PSMG2: variants seen among roughly 807,000 people sequenced by gnomAD.
PSMG2 encodes the protein CD40 ligand-activated specific transcript 3.
PSMG2 carries 21 observed loss-of-function variants against 31.5 expected under a neutral mutation model. That is an observed-to-expected ratio of 0.67 (90% confidence interval 0.47 to 0.96). The LOEUF (loss-of-function observed/expected upper bound fraction) is 0.96, where lower values mean the gene tolerates loss of function less well. Among genes scored for constraint, PSMG2 ranks in the 40% least tolerant of loss-of-function variants. The pLI, the probability that PSMG2 is intolerant of heterozygous loss-of-function variation, is 0.00. For missense variants in PSMG2, 318 were observed against 321.2 expected (o/e 0.99, Z 0.08); for synonymous variants, 120 against 110.4 (o/e 1.09, Z -0.54).
intron 1 of PSMG2, among the ~76,000 whole-genome samples, chr18:12,666,946 A>T (rs2038816397): frequency 6.6e-6 from 1 of 152,134 alleles, no homozygotes; most frequent in South Asian, 2.1e-4. Flanking sequence ...GTTTAAAATT[A>T]AAAATTCCAT....
intron 1 of PSMG2, chr18:12,691,604 A>T: frequency 1.5e-6 from 1 of 687,032 alleles, no homozygotes; most frequent in Non-Finnish European, 2.3e-6. Context: ...AGTCATCATC[A>T]TCTTCTATAA....
intron 4 of PSMG2, 36 bp downstream of exon 4, chr18:12,718,671 G>A (rs2145148453): frequency 7.1e-7 from 1 of 1,401,230 alleles, no homozygotes; most frequent in Non-Finnish European, 9.8e-7. Context: ...TTTTTGGTAT[G>A]GTTTATACTA....
intron 1 of PSMG2, among the ~76,000 whole-genome samples, chr18:12,704,122 A>G (rs1173710207): frequency 3.9e-5 from 6 of 152,216 alleles, no homozygotes; most frequent in African/African-American, 4.8e-5. Flanking sequence ...AAAGTAGCCC[A>G]GAGATGTGTA....
At chr18:12,693,283 G>A (rs1038697059) in intron 1 of PSMG2, among the ~76,000 whole-genome samples, 2 of 152,040 alleles carry the variant, frequency 1.3e-5, no homozygotes, top group Non-Finnish European at 2.9e-5. Context: ...ACCTGGTGGG[G>A]CACAATGGTC....
intron 1 of PSMG2, among the ~76,000 whole-genome samples, chr18:12,668,597 C>A (rs1307724336): frequency 1.1e-4 from 8 of 72,834 alleles, no homozygotes; most frequent in Admixed American, 2.3e-4. Context: ...GATTCCATCT[C>A]AAAAAAAAAA....
rs190855388 is a variant in PSMG2, at chr18:12,696,412, A to G, written c.-36-10138A>G. On this transcript the variant is annotated intron_variant, in intron 1 of 6. Transcript: ENST00000585331. Reference sequence around the variant, plus strand: ...CAGCTACTTAGCAGGCTGAGCCAGTATAATCGCTTGAACCCAGGAGGCGGG... The same window carrying G: ...CAGCTACTTAGCAGGCTGAGCCAGTGTAATCGCTTGAACCCAGGAGGCGGG... Among the ~76,000 whole-genome samples the G allele has an allele frequency of 2.1e-4, 32 of 152,276 alleles. No homozygotes were observed. The East Asian group carries it at 3.5e-3, about 17-fold the overall frequency.
chr18:12,697,436 A>G (rs767070775), intron 1 of PSMG2: 2 of 1,476,760 alleles, frequency 1.4e-6, no homozygotes, highest in Non-Finnish European at 1.9e-6. Flanking sequence ...ACGAAATTAT[A>G]CCACACTACA....
At chr18:12,723,864 T>G (rs1465773013) in intron 5 of PSMG2, among the ~76,000 whole-genome samples, 2 of 152,190 alleles carry the variant, frequency 1.3e-5, no homozygotes, top group Non-Finnish European at 2.9e-5. Context: ...GGAACACCCC[T>G]GGTTAAGTAA....
upstream of PSMG2, chr18:12,702,932 T>C: frequency 1.4e-6 from 1 of 705,804 alleles, no homozygotes; most frequent in Middle Eastern, 4.1e-4. Flanking sequence ...CCCGGCGGCC[T>C]CTTTCCGCCC....
At chr18:12,682,557 G>C (rs1364509682) in intron 1 of PSMG2, among the ~76,000 whole-genome samples, 1 of 152,042 alleles carries the variant, frequency 6.6e-6, no homozygotes, top group Non-Finnish European at 1.5e-5. Flanking sequence ...TTAACTGTAA[G>C]AAAACAAATA....
intron 1 of PSMG2, chr18:12,685,017 T>C (rs2039489985): frequency 6.6e-6 from 1 of 152,116 alleles, no homozygotes; most frequent in Non-Finnish European, 1.5e-5. Context: ...TTTCTCTTTT[T>C]TTTTTATGGA....
intron 3 of PSMG2, among the ~76,000 whole-genome samples, chr18:12,714,868 C>A (rs1462264717): frequency 6.6e-6 from 1 of 151,586 alleles, no homozygotes; most frequent in Non-Finnish European, 1.5e-5. Context: ...TTGTGCCCGG[C>A]TAAGTTTTGT....
intron 1 of PSMG2, among the ~76,000 whole-genome samples, chr18:12,689,972 A>G (rs368715655): frequency 6.6e-6 from 1 of 152,320 alleles, no homozygotes. Context: ...TATTTTTAGT[A>G]GAGACAAGGT....
At position 12,703,082 on chromosome 18, in the gene PSMG2, T is replaced by G; in HGVS notation, c.-26T>G. Reference sequence around the variant, plus strand: ...TCGTTCTTGCCAGGGCCGCGGTTAGTCCCTGCTGGCCACCCCACTGCGACC... The same window carrying G: ...TCGTTCTTGCCAGGGCCGCGGTTAGGCCCTGCTGGCCACCCCACTGCGACC... On this transcript the variant is annotated 5_prime_UTR_variant, in exon 1 of 7. Coordinates refer to ENST00000317615, the MANE Select transcript of PSMG2 (RefSeq NM_020232.5). The G allele has an allele frequency of 6.2e-7, 1 of 1,609,548 alleles. No individual in the cohort carries two copies. The highest frequency in any genetic ancestry group is 8.5e-7 in the Non-Finnish European group (1 of 1,178,416).
intron 1 of PSMG2, among the ~76,000 whole-genome samples, chr18:12,664,613 G>A (rs1328044713): frequency 6.6e-6 from 1 of 152,008 alleles, no homozygotes; most frequent in African/African-American, 2.4e-5. Flanking sequence ...TCAAATTCCT[G>A]GGCTCAAGGG....
chr18:12,702,477 G>T, upstream of PSMG2: 1 of 1,601,288 alleles, frequency 6.2e-7, no homozygotes, highest in Non-Finnish European at 8.5e-7. Context: ...CAGCACCCGC[G>T]ACTCTCACCT....
Position 12,706,553 on chromosome 18 carries a change from G to A in PSMG2, c.61G>A (p.Ala21Thr). 1 of 1,613,358 alleles carries A rather than the reference G, an allele frequency of 6.2e-7. No homozygotes were observed. Among genetic ancestry groups the A allele is most frequent in the South Asian group, 1.1e-5 (1 of 90,798 alleles). ...AACATATCTTTTATAATTTCAGCCA[G>A]CAGTATCTGTTGGAAATGTTGGCCA... ...DLAGFTLLMP[A>T]VSVGNVGQLA... Residue 21 changes from alanine (A) to threonine (T), a missense_variant, in exon 2 of 7, where the codon GCA (alanine) becomes ACA (threonine). Transcript: ENST00000317615.
chr18:12,670,354 A>C (rs1398846042), intron 1 of PSMG2: 1 of 152,236 alleles, frequency 6.6e-6, no homozygotes, highest in Non-Finnish European at 1.5e-5. Flanking sequence ...AAAGAATAGC[A>C]GACTTCTAGT....
chr18:12,712,888 GAAAT>G, intron 3 of PSMG2, 128 bp downstream of exon 3: 1 of 598,032 alleles, frequency 1.7e-6, no homozygotes, highest in Non-Finnish European at 2.8e-6. Flanking sequence ...ATTCTACAGA[GAAAT>G]AATCTTACAA....
Sources: allele counts gnomAD v4.1 joint callset (sites outside exome capture counted in the v4.1 genomes callset), GRCh38; gene constraint gnomAD v4.1.1; transcripts MANE v1.5; gene names NCBI Gene and HGNC (gene_info 2026-07-23, HGNC 2026-07-21).